VAV2: variants seen among roughly 807,000 people sequenced by gnomAD.
VAV2 encodes vav guanine nucleotide exchange factor 2.
In VAV2, 67 loss-of-function variants were observed where a neutral mutation model predicts 132.5. That is an observed-to-expected ratio of 0.51 (90% CI 0.42 to 0.62). The LOEUF (loss-of-function observed/expected upper bound fraction) is 0.62, where lower values mean the gene tolerates loss of function less well. VAV2 is among the 20% of genes least tolerant of loss of function. The probability of loss-of-function intolerance (pLI) is 0.00; values close to 1 mark genes in which losing one functional copy is unlikely to be tolerated. For synonymous variants in VAV2, 492 were observed against 443.5 expected (o/e 1.11, Z -1.37); for missense variants, 938 against 1,153.6 (o/e 0.81, Z 2.71).
intron 12 of VAV2, among the ~76,000 whole-genome samples, chr9:133,792,655 T>G (rs1323956719): frequency 6.7e-6 from 1 of 150,370 alleles, no homozygotes; most frequent in African/African-American, 2.5e-5. Flanking sequence ...CGCACATACA[T>G]GCAGGAGCTC....
At position 133,981,467 on chromosome 9, in the gene VAV2, G is replaced by A. The variant is rs1450761002; in HGVS notation, c.204+10608C>T. Reference sequence around the variant, plus strand: ...GCCGCCCGCTGCACTCTGCTCTGATGCTGAGGGAGGGCAGGCGGCGGGTGA... The same window carrying A: ...GCCGCCCGCTGCACTCTGCTCTGATACTGAGGGAGGGCAGGCGGCGGGTGA... On this transcript the variant is annotated intron_variant, in intron 1 of 29. Transcript: ENST00000371850. 5.9e-5 allele frequency among the ~76,000 whole-genome samples: 9 copies of A among 152,354 alleles called. No individual in the cohort carries two copies. The East Asian group carries it at 1.7e-3, about 29-fold the overall frequency.
intron 15 of VAV2, 34 bp from the exon 16 acceptor site, chr9:133,787,294 C>T (rs780724679): frequency 9.6e-6 from 15 of 1,565,046 alleles, no homozygotes; most frequent in Admixed American, 1.8e-5. Context: ...AAGGGGAAGA[C>T]GGTCAGTGAG....
At chr9:133,979,113 T>C (rs1407138265) in intron 1 of VAV2, among the ~76,000 whole-genome samples, 1 of 152,170 alleles carries the variant, frequency 6.6e-6, no homozygotes, top group Non-Finnish European at 1.5e-5. Flanking sequence ...GGAAGAGCTT[T>C]CGTGCCAGGG....
intron 1 of VAV2, among the ~76,000 whole-genome samples, chr9:133,957,658 C>T (rs546220483): frequency 1.1e-4 from 16 of 152,182 alleles, no homozygotes; most frequent in African/African-American, 3.9e-4. Context: ...TCCCTGCACC[C>T]GCTGTCACCG....
rs188850262 is a variant in VAV2, at chr9:133,962,607, G to A, written c.205-23388C>T. On this transcript the variant is annotated intron_variant, in intron 1 of 29. Coordinates refer to ENST00000371850, the MANE Select transcript of VAV2 (RefSeq NM_001134398.2). ...TCCAGCTCTCCAAGCACAGTTAGCA[G>A]AAGCCCCTCCCCGCCCCACCCCCCA... is the stretch of plus-strand genomic sequence containing the variant. Among the ~76,000 whole-genome samples, 130 of 152,286 alleles carry A rather than the reference G, an allele frequency of 8.5e-4. 1 individual carries two copies. Among genetic ancestry groups the A allele is most frequent in the Admixed American group, 4.7e-3 (72 of 15,290 alleles).
intron 26 of VAV2, 44 bp downstream of exon 26, chr9:133,771,915 C>T (rs911117323): frequency 6.4e-7 from 1 of 1,571,650 alleles, no homozygotes; most frequent in Non-Finnish European, 8.8e-7. Context: ...GCACCTGTCC[C>T]CTGTGGCTGG....
In VAV2 at chr9:133,918,270, C is replaced by CA. The variant is rs921815511; in HGVS notation, c.321+20832_321+20833insT. On this transcript the variant is annotated intron_variant, in intron 2 of 29. Coordinates refer to ENST00000371850, the MANE Select transcript of VAV2 (RefSeq NM_001134398.2). The surrounding 1 kb of genome is among the most constrained non-coding windows in gnomAD (Gnocchi z 4.7). The stretch of plus-strand genomic sequence containing the variant: ...TAGAAACTATTTTTAAACAAAGGAG[C>CA]GCACTCTCTGCGGCGGCAGAAAAGC... Among the ~76,000 whole-genome samples the CA allele has an allele frequency of 5.9e-5, 9 of 152,140 alleles. No homozygotes were observed. Among genetic ancestry groups the CA allele is most frequent in the Non-Finnish European group, 1.0e-4 (7 of 68,012 alleles).
intron 2 of VAV2, among the ~76,000 whole-genome samples, chr9:133,889,025 C>T (rs1185868612): frequency 1.3e-5 from 2 of 152,204 alleles, no homozygotes; most frequent in Non-Finnish European, 2.9e-5. Flanking sequence ...GGGGAAGCCT[C>T]ACTTCTGAGG....
Position 133,851,700 on chromosome 9 carries a change from G to C in VAV2, c.380+9674C>G, listed in dbSNP as rs879721745. Among the ~76,000 whole-genome samples the C allele has an allele frequency of 9.2e-3, 1,242 of 135,658 alleles. 34 individuals are homozygous for C. The highest frequency in any genetic ancestry group is 0.056 in the Admixed American group (794 of 14,074). 89.0% of individuals were successfully genotyped at this position (135,658 alleles called of 152,430 possible). On this transcript the variant is annotated intron_variant, in intron 3 of 29. Transcript: ENST00000371850. ...GATGGATGGATGGATGGATGGATGA[G>C]TGGATAAATGAATGGATGAATAGAT...
chr9:133,779,480 G>A (rs1833930184), intron 21 of VAV2, among the ~76,000 whole-genome samples: 2 of 152,260 alleles, frequency 1.3e-5, no homozygotes, highest in Non-Finnish European at 2.9e-5. Flanking sequence ...GCTGTACTGA[G>A]CACTGCCTGG....
intron 2 of VAV2, among the ~76,000 whole-genome samples, chr9:133,922,253 C>A (rs1052885404): frequency 6.6e-6 from 1 of 152,220 alleles, no homozygotes; most frequent in Non-Finnish European, 1.5e-5. Flanking sequence ...TCTGTCATAG[C>A]CGTGACCCCA....
intron 2 of VAV2, among the ~76,000 whole-genome samples, chr9:133,873,801 G>A (rs1430820695): frequency 6.6e-6 from 1 of 152,168 alleles, no homozygotes; most frequent in Non-Finnish European, 1.5e-5. Context: ...TTTGAGATGG[G>A]AAACCTAAAA....
At position 133,969,225 on chromosome 9, in the gene VAV2, A is replaced by G. The variant is rs1330217556; in HGVS notation, c.204+22850T>C. On this transcript the variant is annotated intron_variant, in intron 1 of 29. Transcript: ENST00000371850. The surrounding 1 kb of genome is among the most constrained non-coding windows in gnomAD (Gnocchi z 5.1). ...CGGGCCTGCGAGGACGAGCCTCTGC[A>G]CCTGCTTCCCTCCTGCCGGATGAAC... 6.7e-6 allele frequency among the ~76,000 whole-genome samples: 1 copy of G among 149,906 alleles called. No homozygotes were observed. Among genetic ancestry groups the G allele is most frequent in the African/African-American group, 2.5e-5 (1 of 39,474 alleles).
At chr9:133,971,240 G>A (rs1004832407) in intron 1 of VAV2, among the ~76,000 whole-genome samples, 5 of 152,178 alleles carry the variant, frequency 3.3e-5, no homozygotes, top group Non-Finnish European at 7.4e-5. Flanking sequence ...CGGGGGCAGG[G>A]AAAGCCCTCT....
chr9:133,860,908 T>C (rs1235414371), intron 3 of VAV2, among the ~76,000 whole-genome samples: 3 of 152,016 alleles, frequency 2.0e-5, no homozygotes, highest in Admixed American at 6.6e-5. Flanking sequence ...CCAAGCAGAA[T>C]AAACGGAGAG....
chr9:133,952,393 G>A (rs1259722292), intron 1 of VAV2, among the ~76,000 whole-genome samples: 2 of 152,128 alleles, frequency 1.3e-5, no homozygotes, highest in Non-Finnish European at 2.9e-5. Context: ...CATGAGGTCA[G>A]GAGTTCGAGA....
At position 133,822,152 on chromosome 9, in the gene VAV2, C is replaced by T. The variant is rs770730189; in HGVS notation, c.450-9936G>A. ...GCTGCTCAGAGGCCATTGCCCCCGCCGCCCACAGAAAATCAAAAGAAAACC... is the reference window on the plus strand; with the variant it reads ...GCTGCTCAGAGGCCATTGCCCCCGCTGCCCACAGAAAATCAAAAGAAAACC... On this transcript the variant is annotated intron_variant, in intron 4 of 29. Transcript: ENST00000371850. 2.5e-4 allele frequency among the ~76,000 whole-genome samples: 37 copies of T among 146,080 alleles called. No individual in the cohort carries two copies. The South Asian group carries it at 2.7e-3, about 10-fold the overall frequency.
At chr9:133,771,933 G>A (rs1833640679) in intron 26 of VAV2, 26 bp downstream of exon 26, 1 of 1,610,074 alleles carries the variant, frequency 6.2e-7, no homozygotes, top group Non-Finnish European at 8.5e-7. Flanking sequence ...TGGGGTGGGA[G>A]CCGGCCGGAG....
chr9:133,805,722 A>G (rs1835110169), intron 9 of VAV2, among the ~76,000 whole-genome samples: 1 of 152,132 alleles, frequency 6.6e-6, no homozygotes, highest in Non-Finnish European at 1.5e-5. Flanking sequence ...CCTTGTCCAC[A>G]TCCTAACTTT....
Sources: gnomAD v4.1 joint callset for allele counts (sites outside exome capture counted in the v4.1 genomes callset) on GRCh38, gnomAD v4.1.1 for gene constraint, Gnocchi (gnomAD v3.1) non-coding constraint, MANE v1.5 for transcripts, NCBI Gene and HGNC (gene_info 2026-07-23, HGNC 2026-07-21) for gene names.